The following ARAP2 variants were observed in gnomAD, a reference collection of about 807,000 sequenced individuals.
The protein encoded by ARAP2 is arf-GAP with Rho-GAP domain, ANK repeat and PH domain-containing protein 2.
A neutral mutation model predicts 194.5 loss-of-function variants in ARAP2; 148 were observed. The ratio of observed to expected loss-of-function variants is 0.76; its 90% CI spans 0.67 to 0.87. The LOEUF is 0.87. ARAP2 is among the 40% of genes least tolerant of loss of function. The probability of loss-of-function intolerance (pLI) is 0.00; values close to 1 mark genes in which losing one functional copy is unlikely to be tolerated. For missense variants in ARAP2, 2,128 were observed against 1,989.7 expected (o/e 1.07, Z -1.32); for synonymous variants, 695 against 683.5 (o/e 1.02, Z -0.26).
At chr4:36,203,830 G>T (rs1744964496) in intron 6 of ARAP2, among the ~76,000 whole-genome samples, 1 of 151,538 alleles carries the variant, frequency 6.6e-6, no homozygotes, top group South Asian at 2.1e-4. Flanking sequence ...TAACATTTGA[G>T]AAAAATACCA....
At chr4:36,155,592 C>A (rs1390804886) in intron 15 of ARAP2, among the ~76,000 whole-genome samples, 1 of 151,894 alleles carries the variant, frequency 6.6e-6, no homozygotes, top group Non-Finnish European at 1.5e-5. Flanking sequence ...AGAAGAATAA[C>A]AGTAGATGCA....
At chr4:36,031,367 C>T (rs573909523) in intron 5 of ARAP2, among the ~76,000 whole-genome samples, 1 of 152,262 alleles carries the variant, frequency 6.6e-6, no homozygotes, top group African/African-American at 2.4e-5. Context: ...TTGTAGCAAT[C>T]GAATGCCTTC....
At position 36,067,117 on chromosome 4, in the gene ARAP2, A is replaced by G. The variant is rs1207941763; in HGVS notation, c.*790T>C. ...GTACACAACCTCTCCAATGCAGTGT[A>G]AGTTTCCTCTTAGCAGCCACCAACA... On this transcript the variant is annotated 3_prime_UTR_variant, in exon 33 of 33. Transcript: ENST00000303965. The G allele has an allele frequency of 6.6e-6, 1 of 152,290 alleles. No homozygotes were observed. Among genetic ancestry groups the G allele is most frequent in the East Asian group, 1.9e-4 (1 of 5,198 alleles). 9.4% of individuals were successfully genotyped at this position (152,290 alleles called of 1,614,324 possible).
intron 22 of ARAP2, among the ~76,000 whole-genome samples, chr4:36,123,161 G>A (rs1371098109): frequency 6.6e-6 from 1 of 151,770 alleles, no homozygotes; most frequent in Non-Finnish European, 1.5e-5. Flanking sequence ...ACACTTAACT[G>A]TAAACATCTG....
chr4:36,158,847 T>C lies in ARAP2; in HGVS notation c.2635A>G (p.Ile879Val). Residue 879 changes from isoleucine (I) to valine (V), a missense_variant, in exon 15 of 33, where the codon ATT (isoleucine) becomes GTT (valine). Ile to Val is a conservative substitution (Grantham distance 29). Transcript: ENST00000303965. ...TGACTTAATACACCCTCGGAATGAA[T>C]ATCATGTTGAGGGAAATCTAGAAAA... ...NKFSDFPQHD[I>V]HSEGVLSQES... 6.3e-7 allele frequency: 1 copy of C among 1,591,952 alleles called. No individual in the cohort carries two copies. The highest frequency in any genetic ancestry group is 8.5e-7 in the Non-Finnish European group (1 of 1,174,146).
intron 2 of ARAP2, among the ~76,000 whole-genome samples, chr4:36,227,666 T>G (rs1750630041): frequency 6.6e-6 from 1 of 152,072 alleles, no homozygotes; most frequent in Admixed American, 6.6e-5. Flanking sequence ...AACTCCAGCG[T>G]GGAGCCTGTG....
At chr4:36,177,772 T>C (rs1036013113) in intron 9 of ARAP2, 55 bp downstream of exon 9, 39 of 1,467,340 alleles carry the variant, frequency 2.7e-5, no homozygotes, top group Middle Eastern at 3.7e-4. Context: ...AAACAAAACA[T>C]AGTTGTTACT....
chr4:36,127,337 T>C (rs1004566045), intron 21 of ARAP2, among the ~76,000 whole-genome samples: 2 of 152,052 alleles, frequency 1.3e-5, no homozygotes, highest in African/African-American at 4.8e-5. Context: ...CTTCTTGTGA[T>C]TACAGTGAAC....
At chr4:36,128,789 A>G (rs746213768) in intron 20 of ARAP2, 44 bp from the exon 21 acceptor site, 1 of 1,454,358 alleles carries the variant, frequency 6.9e-7, no homozygotes, top group Admixed American at 2.1e-5. Flanking sequence ...GTCTAAATTC[A>G]AAAGCCAGTT....
chr4:36,239,191 G>A (rs776129900), intron 1 of ARAP2, among the ~76,000 whole-genome samples: 13 of 151,744 alleles, frequency 8.6e-5, no homozygotes, highest in Non-Finnish European at 1.3e-4. Context: ...CATGAGAATC[G>A]CTTGAACCCA....
At chr4:36,167,111 T>C in intron 9 of ARAP2, 64 bp from the exon 10 acceptor site, 2 of 988,270 alleles carry the variant, frequency 2.0e-6, no homozygotes, top group Non-Finnish European at 2.9e-6. Context: ...AAAGTATAAT[T>C]ACATTTTCTA....
Position 36,185,085 on chromosome 4 carries a change from C to A in ARAP2, c.1678+2366G>T, listed in dbSNP as rs139981218. On this transcript the variant is annotated intron_variant, in intron 8 of 32. Transcript: ENST00000303965. ...TAGGCTTTACCGGCCACAGTCTGTG[C>A]CACAACTACTCAGTGATACCACTGA... Among the ~76,000 whole-genome samples, 167 of 152,228 alleles carry A rather than the reference C, an allele frequency of 1.1e-3. 2 individuals carry two copies. In the East Asian group the frequency reaches 0.022, roughly 20 times the overall value.
chr4:36,039,527 T>C (rs145978687), intron 5 of ARAP2, among the ~76,000 whole-genome samples: 39 of 152,196 alleles, frequency 2.6e-4, no homozygotes, highest in African/African-American at 7.9e-4. Context: ...CCTGGTAGGC[T>C]TGAAGCTTTG....
intron 27 of ARAP2, among the ~76,000 whole-genome samples, chr4:36,103,850 TAAAG>T (rs1717668238): frequency 3.3e-5 from 5 of 151,860 alleles, no homozygotes; most frequent in South Asian, 2.1e-4. Flanking sequence ...ATAGTTCAGA[TAAAG>T]AAAGAAAATT....
At chr4:36,234,058 G>A (rs1409044347) in intron 1 of ARAP2, among the ~76,000 whole-genome samples, 1 of 152,194 alleles carries the variant, frequency 6.6e-6, no homozygotes, top group East Asian at 1.9e-4. Flanking sequence ...GGCTGACTGG[G>A]AGCCAGGGCT....
chr4:36,009,099 A>G (rs1713900010), intron 9 of ARAP2, among the ~76,000 whole-genome samples: 1 of 152,144 alleles, frequency 6.6e-6, no homozygotes, highest in Non-Finnish European at 1.5e-5. Flanking sequence ...TGCTGCTGAG[A>G]ATGTAAACTA....
chr4:36,128,543 G>A lies in ARAP2; in HGVS notation c.3630C>T (p.Ile1210=), dbSNP rs778992737. 2 of 1,608,746 alleles carry A rather than the reference G, an allele frequency of 1.2e-6. No individual in the cohort carries two copies. The highest frequency in any genetic ancestry group is 1.7e-6 in the Non-Finnish European group (2 of 1,177,374). Reference sequence around the variant, plus strand: ...CTGTATAAATATTACCTAAAGCAGAGATCCAATATGGGTAGAGCTCCTTAG... The same window carrying A: ...CTGTATAAATATTACCTAAAGCAGAAATCCAATATGGGTAGAGCTCCTTAG... ...LLTKELYPYW[I]SALDTQDDKE... Residue 1210 remains isoleucine, a synonymous_variant, in exon 21 of 33, where the codon ATC becomes ATT. Coordinates refer to ENST00000303965, the MANE Select transcript of ARAP2 (RefSeq NM_015230.4).
rs567054204 is a variant in ARAP2, at chr4:36,244,306, C to T, written c.-287G>A. The T allele has an allele frequency of 5.3e-5, 8 of 151,954 alleles. No homozygotes were observed. The highest frequency in any genetic ancestry group is 1.7e-4 in the African/African-American group (7 of 41,482). The allele number at this position is 151,954 out of a possible 1,614,324, so 9.4% of individuals were successfully genotyped here. ...GCCGGAGGCGCCAGGCCTCCTCTTT[C>T]CCGGTCCCCGCCGGCTGTCCGCAGT... is the stretch of plus-strand genomic sequence containing the variant. On this transcript the variant is annotated 5_prime_UTR_variant, in exon 1 of 33. Transcript: ENST00000303965.
At chr4:36,045,446 A>G (rs576931987) in intron 5 of ARAP2, among the ~76,000 whole-genome samples, 1 of 152,314 alleles carries the variant, frequency 6.6e-6, no homozygotes, top group Admixed American at 6.5e-5. Context: ...GCACAGATAG[A>G]TAAGTACCAT....
Sources: allele counts gnomAD v4.1 joint callset (sites outside exome capture counted in the v4.1 genomes callset), GRCh38; gene constraint gnomAD v4.1.1; transcripts MANE v1.5; gene names NCBI Gene and HGNC (gene_info 2026-07-23, HGNC 2026-07-21).